Variants in URM1 observed in about 807,000 individuals in gnomAD.
URM1 encodes the protein ubiquitin related modifier 1, also known as ubiquitin-related modifier 1.
URM1 carries 11 observed loss-of-function variants against 17.7 expected under a neutral mutation model. The ratio of observed to expected loss-of-function variants is 0.62; its 90% CI spans 0.39 to 1.03. URM1 has a LOEUF of 1.03. Among genes scored for constraint, URM1 ranks in the 50% least tolerant of loss-of-function variants. The pLI, the probability that URM1 is intolerant of heterozygous loss-of-function variation, is 0.00. For synonymous variants in URM1, 48 were observed against 50.6 expected (o/e 0.95, Z 0.22); for missense variants, 128 against 129.2 (o/e 0.99, Z 0.04).
chr9:128,389,550 T>C lies in URM1; in HGVS notation c.238-116T>C, dbSNP rs41313335. 1,444 of 1,553,418 alleles carry C rather than the reference T, an allele frequency of 9.3e-4. 1 individual carries two copies. Among genetic ancestry groups the C allele is most frequent in the Non-Finnish European group, 1.2e-3 (1,352 of 1,146,780 alleles). On this transcript the variant is annotated intron_variant, in intron 4 of 4. Transcript: ENST00000372853. Reference sequence around the variant, plus strand: ...TTGAGGTATAGGATACCCATTTTTCTGGTAGAGTCTGTCTCTTCCAGAGCA... The same window carrying C: ...TTGAGGTATAGGATACCCATTTTTCCGGTAGAGTCTGTCTCTTCCAGAGCA...
intron 1 of URM1, among the ~76,000 whole-genome samples, chr9:128,375,708 C>T (rs925395275): frequency 6.6e-6 from 1 of 152,030 alleles, no homozygotes; most frequent in African/African-American, 2.4e-5. Flanking sequence ...TACAGGCGCA[C>T]ACCACCATGC....
At chr9:128,373,354 C>T (rs1833037043) in intron 1 of URM1, among the ~76,000 whole-genome samples, 1 of 152,154 alleles carries the variant, frequency 6.6e-6, no homozygotes, top group Admixed American at 6.6e-5. Context: ...TGTATCTTAG[C>T]AGACATGATT....
At position 128,389,847 on chromosome 9, in the gene URM1, C is replaced by A; in HGVS notation, c.*113C>A. The stretch of plus-strand genomic sequence containing the variant: ...CCCCTTGCCTGCCTTCTTCCCTGCT[C>A]TGTCCCCTAAGCTCCCTCCAGGCAG... On this transcript the variant is annotated 3_prime_UTR_variant, in exon 5 of 5. Coordinates refer to ENST00000372853, the MANE Select transcript of URM1 (RefSeq NM_030914.4). 7.0e-7 allele frequency: 1 copy of A among 1,437,744 alleles called. No individual in the cohort carries two copies. Among genetic ancestry groups the A allele is most frequent in the South Asian group, 1.3e-5 (1 of 77,420 alleles). The allele number at this position is 1,437,744 out of a possible 1,614,324, so 89.1% of individuals were successfully genotyped here.
At chr9:128,379,378 C>T (rs1833127181) in intron 2 of URM1, among the ~76,000 whole-genome samples, 1 of 151,922 alleles carries the variant, frequency 6.6e-6, no homozygotes, top group South Asian at 2.1e-4. Context: ...ACTTGGGAGG[C>T]TGAAGCAGGA....
chr9:128,378,083 C>G lies in URM1; in HGVS notation c.83C>G (p.Thr28Ser). ...GACGGTATTAAGAAACATCGAGTCA[C>G]TTTGCCTGGACAGGAGGAACCCTGT... Reference protein sequence around the residue: ...LFDGIKKHRVTLPGQEEPWDI... With the variant: ...LFDGIKKHRVSLPGQEEPWDI... Residue 28 changes from threonine (T) to serine (S), a missense_variant, in exon 2 of 5, where the codon ACT (threonine) becomes AGT (serine). Physicochemically the swap from Thr to Ser is moderately conservative, Grantham distance 58. Coordinates refer to ENST00000372853, the MANE Select transcript of URM1 (RefSeq NM_030914.4). 6.2e-7 allele frequency: 1 copy of G among 1,610,846 alleles called. No individual in the cohort carries two copies. Among genetic ancestry groups the G allele is most frequent in the Non-Finnish European group, 8.5e-7 (1 of 1,178,600 alleles).
At chr9:128,373,033 A>G (rs192509457) in intron 1 of URM1, among the ~76,000 whole-genome samples, 97 of 152,310 alleles carry the variant, frequency 6.4e-4, no homozygotes, top group Non-Finnish European at 1.1e-3. Context: ...TGGGGAAGTC[A>G]TGTGAGGAAG....
At chr9:128,373,564 G>A (rs184799937) in intron 1 of URM1, among the ~76,000 whole-genome samples, 233 of 152,208 alleles carry the variant, frequency 1.5e-3, no homozygotes, top group African/African-American at 5.4e-3. Flanking sequence ...CAGTGACCAC[G>A]TCTGCCACCC....
Position 128,391,972 on chromosome 9 carries a change from C to A in URM1, c.*2238C>A, listed in dbSNP as rs1344553050. 6.6e-6 allele frequency: 1 copy of A among 152,354 alleles called. No individual in the cohort carries two copies. The highest frequency in any genetic ancestry group is 2.4e-5 in the African/African-American group (1 of 41,456). The allele number at this position is 152,354 out of a possible 1,614,324, so 9.4% of individuals were successfully genotyped here. A position where few individuals can be genotyped will look rare whatever the true frequency, so the allele number is the denominator to read the frequency against. Reference sequence around the variant, plus strand: ...CCCCTCTCCCAAGCAACTCCTGATCCCTGCTTTTGAGGAAATAAACAAATA... The same window carrying A: ...CCCCTCTCCCAAGCAACTCCTGATCACTGCTTTTGAGGAAATAAACAAATA... On this transcript the variant is annotated 3_prime_UTR_variant, in exon 5 of 5. Transcript: ENST00000372853.
intron 2 of URM1, among the ~76,000 whole-genome samples, chr9:128,385,507 G>C (rs1019945572): frequency 2.0e-5 from 3 of 152,104 alleles, no homozygotes; most frequent in Admixed American, 6.6e-5. Flanking sequence ...TAGTAGGAGA[G>C]GGAAGACAAG....
At chr9:128,373,120 C>T (rs1041739815) in intron 1 of URM1, among the ~76,000 whole-genome samples, 15 of 152,238 alleles carry the variant, frequency 9.9e-5, no homozygotes, top group Admixed American at 9.8e-4. Flanking sequence ...TAACTTCAGT[C>T]TCCCTTACCT....
At chr9:128,381,849 C>G (rs1251296317) in intron 2 of URM1, among the ~76,000 whole-genome samples, 1 of 152,224 alleles carries the variant, frequency 6.6e-6, no homozygotes, top group Non-Finnish European at 1.5e-5. Context: ...AACCCATCAC[C>G]GTCTATCCCA....
At chr9:128,386,142 G>T (rs1833224004) in intron 2 of URM1, among the ~76,000 whole-genome samples, 1 of 152,222 alleles carries the variant, frequency 6.6e-6, no homozygotes, top group Non-Finnish European at 1.5e-5. Context: ...GCACTGCCCA[G>T]ACCTTCTCGC....
At chr9:128,382,625 G>A (rs2240949) in intron 2 of URM1, among the ~76,000 whole-genome samples, 12,447 of 152,170 alleles carry the variant, frequency 0.082, 715 homozygotes, top group East Asian at 0.18. Flanking sequence ...CCTGGCACGC[G>A]CAGTTGCACA....
rs1489739810 is a variant in URM1, at chr9:128,378,019, C to G, written c.36-17C>G. 1.2e-6 allele frequency: 2 copies of G among 1,610,748 alleles called. No homozygotes were observed. The highest frequency in any genetic ancestry group is 2.2e-5 in the East Asian group (1 of 44,554). Reference sequence around the variant, plus strand: ...GGAGCTCACCTGGCTGTCTTTTTCTCTGGTCCTCCTTTGCAGAGGTGGTGC... The same window carrying G: ...GGAGCTCACCTGGCTGTCTTTTTCTGTGGTCCTCCTTTGCAGAGGTGGTGC... On this transcript the variant is annotated splice_polypyrimidine_tract_variant and intron_variant, in intron 1 of 4. Coordinates refer to ENST00000372853, the MANE Select transcript of URM1 (RefSeq NM_030914.4).
chr9:128,390,024 G>A lies in URM1; in HGVS notation c.*290G>A. 2.1e-6 allele frequency: 1 copy of A among 487,628 alleles called. No individual in the cohort carries two copies. The highest frequency in any genetic ancestry group is 3.6e-6 in the Non-Finnish European group (1 of 274,384). 30.2% of individuals were successfully genotyped at this position (487,628 alleles called of 1,614,324 possible). A position where few individuals can be genotyped will look rare whatever the true frequency, so the allele number is the denominator to read the frequency against. On this transcript the variant is annotated 3_prime_UTR_variant, in exon 5 of 5. Coordinates refer to ENST00000372853, the MANE Select transcript of URM1 (RefSeq NM_030914.4). ...GTCAAGAGTTGAAGGAGGCTCTGTG[G>A]CCAGGTGACCTGGCTGCCTTCCACT... is the stretch of plus-strand genomic sequence containing the variant.
intron 1 of URM1, among the ~76,000 whole-genome samples, chr9:128,376,413 A>G (rs1833078568): frequency 6.6e-6 from 1 of 151,388 alleles, no homozygotes; most frequent in Admixed American, 6.6e-5. Context: ...TAATCCCAAC[A>G]CTTCGGGAGG....
chr9:128,375,514 C>T (rs1833064726), intron 1 of URM1, among the ~76,000 whole-genome samples: 1 of 152,038 alleles, frequency 6.6e-6, no homozygotes, highest in African/African-American at 2.4e-5. Flanking sequence ...AGTTCAAGAC[C>T]AGCCTGGGCA....
chr9:128,384,839 A>T (rs1429020560), intron 2 of URM1, among the ~76,000 whole-genome samples: 2 of 152,102 alleles, frequency 1.3e-5, no homozygotes, highest in African/African-American at 4.8e-5. Flanking sequence ...TAAGTGATGG[A>T]GTCCAGCTCA....
rs749134712 is a variant in URM1 at position 128,389,705 on chromosome 9, C to G, written c.277C>G (p.Leu93Val). The G allele has an allele frequency of 5.6e-6, 9 of 1,613,480 alleles. No homozygotes were observed. The highest frequency in any genetic ancestry group is 7.6e-6 in the Non-Finnish European group (9 of 1,180,028). The part of the protein sequence containing the change: ...DYQLQDQDSV[L>V]FISTLHGG ...CCAGCTTCAGGACCAGGACAGCGTC[C>G]TCTTCATCTCCACTCTGCACGGCGG... Residue 93 changes from leucine (L) to valine (V), a missense_variant, in exon 5 of 5, where the codon CTC becomes GTC. Coordinates refer to ENST00000372853, the MANE Select transcript of URM1 (RefSeq NM_030914.4).
Sources: gnomAD v4.1 joint callset for allele counts (sites outside exome capture counted in the v4.1 genomes callset) on GRCh38, gnomAD v4.1.1 for gene constraint, MANE v1.5 for transcripts, NCBI Gene and HGNC (gene_info 2026-07-23, HGNC 2026-07-21) for gene names.